The following PIEZO2 variants were observed in gnomAD, a reference collection of about 807,000 sequenced individuals.
PIEZO2 encodes the protein piezo type mechanosensitive ion channel component 2, also known as piezo-type mechanosensitive ion channel component 2.
In PIEZO2, 172 loss-of-function variants were observed where a neutral mutation model predicts 337.3. That is an observed-to-expected ratio of 0.51 (90% CI 0.45 to 0.58). PIEZO2 has a LOEUF of 0.58. Ranked by LOEUF, PIEZO2 falls within the 20% of genes least tolerant of loss-of-function variation. The pLI is 0.00. For synonymous variants in PIEZO2, 1,251 were observed against 1,228.5 expected, an observed-to-expected ratio of 1.02 and a Z score of -0.38; for missense variants, 3,028 against 3,391.3, an observed-to-expected ratio of 0.89 and a Z score of 2.66.
chr18:10,935,072 C>G (rs1382649965), intron 3 of PIEZO2, among the ~76,000 whole-genome samples: 2 of 152,144 alleles, frequency 1.3e-5, no homozygotes, highest in Non-Finnish European at 2.9e-5. Flanking sequence ...CTTCTCTGAT[C>G]AGACTGTTTC....
chr18:11,129,629 G>A lies in PIEZO2; in HGVS notation c.64+18896C>T, dbSNP rs1254387818. 6.6e-6 allele frequency among the ~76,000 whole-genome samples: 1 copy of A among 152,150 alleles called. No individual in the cohort carries two copies. Among genetic ancestry groups the A allele is most frequent in the Non-Finnish European group, 1.5e-5 (1 of 68,020 alleles). On this transcript the variant is annotated intron_variant, in intron 1 of 55. Coordinates refer to ENST00000674853, the MANE Select transcript of PIEZO2 (RefSeq NM_001378183.1). The surrounding 1 kb of genome is among the most constrained non-coding windows in gnomAD (Gnocchi z 4.6). ...GAAGGGGAGGCTGAGTCCCCTTGAG[G>A]AAGAACCCCACTACATTACGGACAA...
rs1395054162 is a variant in PIEZO2 at position 10,877,951 on chromosome 18, T to C, written c.330-6536A>G. ...CGCCAGTGTTTTCCCTCTGAGCAAG[T>C]GTGCAGTCTTCTCCCTTGGCCAACT... On this transcript the variant is annotated intron_variant, in intron 4 of 55. Coordinates refer to ENST00000674853, the MANE Select transcript of PIEZO2 (RefSeq NM_001378183.1). This position sits in a 1 kb window ranked among gnomAD's most constrained non-coding sequence, Gnocchi z 5.3. Among the ~76,000 whole-genome samples the C allele has an allele frequency of 6.6e-6, 1 of 152,112 alleles. No homozygotes were observed. The highest frequency in any genetic ancestry group is 6.6e-5 in the Admixed American group (1 of 15,264).
chr18:10,747,374 G>A (rs984930489), intron 30 of PIEZO2, among the ~76,000 whole-genome samples: 2 of 152,138 alleles, frequency 1.3e-5, no homozygotes, highest in African/African-American at 4.8e-5. Flanking sequence ...GTTATATAAG[G>A]ACCTCTACAG....
At chr18:10,865,633 G>T (rs1353440668) in intron 5 of PIEZO2, among the ~76,000 whole-genome samples, 1 of 152,206 alleles carries the variant, frequency 6.6e-6, no homozygotes, top group Non-Finnish European at 1.5e-5. Context: ...GGAAGGAGCT[G>T]TGTCTCCCGC....
intron 18 of PIEZO2, among the ~76,000 whole-genome samples, chr18:10,774,554 T>A (rs1195478276): frequency 6.6e-6 from 1 of 152,124 alleles, no homozygotes; most frequent in Non-Finnish European, 1.5e-5. Context: ...GTGGGAAGAC[T>A]GTGTGAGATC....
intron 15 of PIEZO2, among the ~76,000 whole-genome samples, chr18:10,787,828 T>C (rs2039276332): frequency 6.6e-6 from 1 of 152,206 alleles, no homozygotes; most frequent in African/African-American, 2.4e-5. Flanking sequence ...TTTCTATTAT[T>C]GGGTTCTCTT....
In PIEZO2 at chr18:10,736,614, G is replaced by C; in HGVS notation, c.4805C>G (p.Ser1602Ter). 1 of 1,537,110 alleles carries C rather than the reference G, an allele frequency of 6.5e-7. No homozygotes were observed. Among genetic ancestry groups the C allele is most frequent in the Non-Finnish European group, 8.7e-7 (1 of 1,146,850 alleles). Residue 1602 changes from serine to a stop codon, truncating the protein, a stop_gained, in exon 34 of 56, where the codon TCA becomes TGA. Transcript: ENST00000674853. LOFTEE classifies it high-confidence loss of function. ...TTTCCCCATAATTACCTGGAATGCTGACCTTCGTGGAGGTTCTTCATCTTC... is the reference window on the plus strand; with the variant it reads ...TTTCCCCATAATTACCTGGAATGCTCACCTTCGTGGAGGTTCTTCATCTTC... The part of the protein sequence containing the change: ...KKEDEEPPRR[S>*]AFQRAIGKFA...
In PIEZO2 at chr18:10,788,423, AAAGAAAGG is replaced by A. The variant is rs1431951753; in HGVS notation, c.2169+648_2169+655del. Among the ~76,000 whole-genome samples the A allele has an allele frequency of 5.8e-4, 71 of 123,400 alleles. 1 individual carries two copies. The highest frequency in any genetic ancestry group is 3.3e-3 in the South Asian group (13 of 3,906). 81.0% of individuals were successfully genotyped at this position (123,400 alleles called of 152,430 possible). On this transcript the variant is annotated intron_variant, in intron 15 of 55. Coordinates refer to ENST00000674853, the MANE Select transcript of PIEZO2 (RefSeq NM_001378183.1). ...GACCCTGTCTCAAAAAAAAAAAAAG[AAAGAAAGG>A]AAGGAAGGAAGGAAGGAAGGAAGGA...
Position 10,980,625 on chromosome 18 carries a change from C to T in PIEZO2, c.161-965G>A, listed in dbSNP as rs1297398058. 3.3e-5 allele frequency among the ~76,000 whole-genome samples: 5 copies of T among 152,068 alleles called. No homozygotes were observed. Among genetic ancestry groups the T allele is most frequent in the East Asian group, 1.9e-4 (1 of 5,196 alleles). ...ATTATATATCATCATCAACAGAGAA[C>T]GCCAAACTAACTCCATGACCAACTA... is the stretch of plus-strand genomic sequence containing the variant. On this transcript the variant is annotated intron_variant, in intron 2 of 55. Transcript: ENST00000674853. This position sits in a 1 kb window ranked among gnomAD's most constrained non-coding sequence, Gnocchi z 4.8.
Position 10,837,688 on chromosome 18 carries a change from G to A in PIEZO2, c.917+17665C>T, listed in dbSNP as rs1240832955. On this transcript the variant is annotated intron_variant, in intron 7 of 55. Coordinates refer to ENST00000674853, the MANE Select transcript of PIEZO2 (RefSeq NM_001378183.1). This position sits in a 1 kb window ranked among gnomAD's most constrained non-coding sequence, Gnocchi z 4.4. ...ACATACCATCAAAAAGGCATGGGTAGTCAGATATCCTCACAAAGCAATGTT... is the reference window on the plus strand; with the variant it reads ...ACATACCATCAAAAAGGCATGGGTAATCAGATATCCTCACAAAGCAATGTT... Among the ~76,000 whole-genome samples, 2 of 152,184 alleles carry A rather than the reference G, an allele frequency of 1.3e-5. No homozygotes were observed. The highest frequency in any genetic ancestry group is 4.8e-5 in the African/African-American group (2 of 41,446).
At position 11,129,463 on chromosome 18, in the gene PIEZO2, T is replaced by C. The variant is rs1403095654; in HGVS notation, c.64+19062A>G. ...GAAGTGAAATTGATAGGAAGCCTAC[T>C]GCATTCTTACTTAAATTATACAAAC... On this transcript the variant is annotated intron_variant, in intron 1 of 55. Transcript: ENST00000674853. The surrounding 1 kb of genome is among the most constrained non-coding windows in gnomAD (Gnocchi z 4.6). Among the ~76,000 whole-genome samples the C allele has an allele frequency of 6.6e-6, 1 of 152,214 alleles. No homozygotes were observed.
intron 2 of PIEZO2, among the ~76,000 whole-genome samples, chr18:11,061,512 G>A (rs79686931): frequency 0.65 from 98,812 of 151,834 alleles, 32,835 homozygotes; most frequent in East Asian, 0.97. Flanking sequence ...AAACCGAATC[G>A]TCTCAGCCCA....
At chr18:11,062,336 G>A (rs1394914746) in intron 2 of PIEZO2, among the ~76,000 whole-genome samples, 1 of 152,060 alleles carries the variant, frequency 6.6e-6, no homozygotes, top group African/African-American at 2.4e-5. Flanking sequence ...TACCATTCAG[G>A]ACATAGGCAT....
chr18:10,791,138 G>C (rs983733118), intron 14 of PIEZO2, 63 bp downstream of exon 14: 1 of 1,429,562 alleles, frequency 7.0e-7, no homozygotes, highest in Non-Finnish European at 9.3e-7. Context: ...TGTATTTTGG[G>C]GCTCTTTCTC....
At chr18:10,774,140 T>C (rs2038704071) in intron 18 of PIEZO2, 102 bp from the exon 19 acceptor site, 2 of 682,704 alleles carry the variant, frequency 2.9e-6, no homozygotes, top group African/African-American at 1.8e-5. Context: ...TCATCCACTA[T>C]TGCATTCCTG....
chr18:10,837,735 A>G lies in PIEZO2; in HGVS notation c.917+17618T>C, dbSNP rs547986402. Among the ~76,000 whole-genome samples, 14 of 152,116 alleles carry G rather than the reference A, an allele frequency of 9.2e-5. No homozygotes were observed. The South Asian group carries it at 1.9e-3, about 20-fold the overall frequency. On this transcript the variant is annotated intron_variant, in intron 7 of 55. Transcript: ENST00000674853. The surrounding 1 kb of genome is among the most constrained non-coding windows in gnomAD (Gnocchi z 4.4). The stretch of plus-strand genomic sequence containing the variant: ...TGTTTGTGTTCCCAACCATTTTATA[A>G]AATTTCCTCATTTTTTTTTGTTGTT...
intron 17 of PIEZO2, among the ~76,000 whole-genome samples, chr18:10,782,311 A>ATAATATAATTATATATAAATAAT (rs1568050792): frequency 1.3e-5 from 1 of 76,136 alleles, no homozygotes; most frequent in African/African-American, 5.0e-5. Context: ...ATAAATAATT[A>ATAATATAATTATATATAAATAAT]TATAATATAT....
intron 4 of PIEZO2, among the ~76,000 whole-genome samples, chr18:10,901,843 T>C (rs563149420): frequency 6.6e-6 from 1 of 152,168 alleles, no homozygotes; most frequent in South Asian, 2.1e-4. Context: ...ATTTTAACTC[T>C]ATCTTCATAA....
chr18:11,074,681 G>T (rs1479544222), intron 1 of PIEZO2, among the ~76,000 whole-genome samples: 1 of 152,170 alleles, frequency 6.6e-6, no homozygotes, highest in Non-Finnish European at 1.5e-5. Flanking sequence ...TGATCGATTT[G>T]ACTTTGACAA....
Sources: gnomAD v4.1 joint callset for allele counts (sites outside exome capture counted in the v4.1 genomes callset) on GRCh38, gnomAD v4.1.1 for gene constraint, Gnocchi (gnomAD v3.1) non-coding constraint, MANE v1.5 for transcripts, NCBI Gene and HGNC (gene_info 2026-07-23, HGNC 2026-07-21) for gene names.